The following BCKDHB variants were observed in gnomAD, a reference collection of about 807,000 sequenced individuals.
BCKDHB encodes the protein 2-oxoisovalerate dehydrogenase subunit beta, mitochondrial.
BCKDHB carries 41 observed loss-of-function variants against 48.5 expected under a neutral mutation model. That is an observed-to-expected ratio of 0.85 (90% CI 0.66 to 1.10). The LOEUF (loss-of-function observed/expected upper bound fraction) is 1.10. BCKDHB is among the 50% of genes least tolerant of loss of function. The probability of loss-of-function intolerance (pLI) is 0.00; values close to 1 mark genes in which losing one functional copy is unlikely to be tolerated. For missense variants in BCKDHB, 496 were observed against 494.2 expected (o/e 1.00, Z -0.03); for synonymous variants, 201 against 174.8 (o/e 1.15, Z -1.18).
At chr6:80,206,376 G>C (rs1387348958) in intron 8 of BCKDHB, among the ~76,000 whole-genome samples, 1 of 152,070 alleles carries the variant, frequency 6.6e-6, no homozygotes, top group Non-Finnish European at 1.5e-5. Flanking sequence ...GAAGAGACAG[G>C]AGTATTTGAT....
At chr6:80,220,098 C>G (rs888958480) in intron 8 of BCKDHB, among the ~76,000 whole-genome samples, 12 of 151,596 alleles carry the variant, frequency 7.9e-5, no homozygotes, top group East Asian at 1.9e-4. Flanking sequence ...TGTATATTTT[C>G]TTTTCAAAAA....
At chr6:80,326,856 A>G (rs898454674) in intron 9 of BCKDHB, among the ~76,000 whole-genome samples, 2 of 152,114 alleles carry the variant, frequency 1.3e-5, no homozygotes, top group Admixed American at 6.5e-5. Flanking sequence ...ACAGAGCGAG[A>G]CTCAGTCTCA....
At chr6:80,199,034 A>T (rs932608023) in intron 6 of BCKDHB, among the ~76,000 whole-genome samples, 3 of 152,158 alleles carry the variant, frequency 2.0e-5, no homozygotes, top group African/African-American at 7.2e-5. Flanking sequence ...TCCAGAATGA[A>T]TTCTAGACAG....
chr6:80,342,997 GC>G (rs1330685392), intron 9 of BCKDHB, among the ~76,000 whole-genome samples: 1 of 152,164 alleles, frequency 6.6e-6, no homozygotes, highest in Non-Finnish European at 1.5e-5. Flanking sequence ...CAGAGCACAA[GC>G]CCCTTCCTCA....
chr6:80,195,921 T>G (rs1184229912), intron 6 of BCKDHB, among the ~76,000 whole-genome samples: 1 of 152,146 alleles, frequency 6.6e-6, no homozygotes, highest in Non-Finnish European at 1.5e-5. Flanking sequence ...ATACTTGACT[T>G]CATTTTAAAT....
chr6:80,389,156 G>A, the BCKDHB span, among the ~76,000 whole-genome samples: 2 of 152,206 alleles, frequency 1.3e-5, no homozygotes, highest in Non-Finnish European at 2.9e-5. Flanking sequence ...TAATAATCAA[G>A]TAGATAGGAT....
the BCKDHB span, among the ~76,000 whole-genome samples, chr6:80,461,215 AT>A: frequency 6.6e-6 from 1 of 152,270 alleles, no homozygotes; most frequent in East Asian, 1.9e-4. Flanking sequence ...TGAACCCATT[AT>A]GTTCTGCCCT....
At chr6:80,384,473 C>G in the BCKDHB span, among the ~76,000 whole-genome samples, 1 of 152,052 alleles carries the variant, frequency 6.6e-6, no homozygotes, top group Non-Finnish European at 1.5e-5. Context: ...ATTCTCCTGA[C>G]TCAGCCTCAT....
chr6:80,286,442 A>T (rs1766631110), intron 9 of BCKDHB, among the ~76,000 whole-genome samples: 1 of 152,218 alleles, frequency 6.6e-6, no homozygotes, highest in African/African-American at 2.4e-5. Flanking sequence ...TGATGAAGAC[A>T]CATTTAGTTA....
chr6:80,431,088 A>T, the BCKDHB span, among the ~76,000 whole-genome samples: 1 of 152,178 alleles, frequency 6.6e-6, no homozygotes, highest in Admixed American at 6.5e-5. Flanking sequence ...CCCAGTAGTC[A>T]TTCAGGAGCA....
the BCKDHB span, among the ~76,000 whole-genome samples, chr6:80,394,073 T>A: frequency 6.6e-6 from 1 of 152,228 alleles, no homozygotes; most frequent in Non-Finnish European, 1.5e-5. Context: ...AATCCTCTAT[T>A]CATTTACTTT....
Position 80,120,052 on chromosome 6 carries a change from C to T in BCKDHB, c.197-7495C>T, listed in dbSNP as rs558123516. 7.6e-4 allele frequency among the ~76,000 whole-genome samples: 115 copies of T among 152,142 alleles called. 1 individual carries two copies. The Middle Eastern group carries it at 0.017, about 22-fold the overall frequency. ...ACAGGCCCTGGTGTGTGATGTTCCC[C>T]GCCCTGTGTCCAAGTGATCTCATTG... On this transcript the variant is annotated intron_variant, in intron 1 of 9. Coordinates refer to ENST00000320393, the MANE Select transcript of BCKDHB (RefSeq NM_183050.4).
chr6:80,321,068 T>C (rs1768689995), intron 9 of BCKDHB, among the ~76,000 whole-genome samples: 1 of 152,126 alleles, frequency 6.6e-6, no homozygotes, highest in African/African-American at 2.4e-5. Context: ...GCTTATATTA[T>C]GAAAGTGGTG....
chr6:80,377,206 A>AT, the BCKDHB span, among the ~76,000 whole-genome samples: 1 of 149,828 alleles, frequency 6.7e-6, no homozygotes, highest in African/African-American at 2.5e-5. Flanking sequence ...ACGCCTAGCT[A>AT]ATTTTTTGTA....
chr6:80,431,986 A>G, the BCKDHB span, among the ~76,000 whole-genome samples: 2 of 149,902 alleles, frequency 1.3e-5, no homozygotes, highest in Non-Finnish European at 3.0e-5. Context: ...TTCTGGGTTG[A>G]AAATTATATT....
chr6:80,303,963 T>C (rs1767718432), intron 9 of BCKDHB, among the ~76,000 whole-genome samples: 1 of 151,978 alleles, frequency 6.6e-6, no homozygotes, highest in Admixed American at 6.6e-5. Flanking sequence ...AAGTAAGACA[T>C]GGAATGAAAT....
At chr6:80,284,916 A>G (rs1168583888) in intron 9 of BCKDHB, among the ~76,000 whole-genome samples, 1 of 152,154 alleles carries the variant, frequency 6.6e-6, no homozygotes, top group African/African-American at 2.4e-5. Flanking sequence ...CTGTATTATT[A>G]GCTGCTTTCA....
chr6:80,408,127 G>A, the BCKDHB span, among the ~76,000 whole-genome samples: 4 of 151,912 alleles, frequency 2.6e-5, no homozygotes, highest in African/African-American at 9.7e-5. Context: ...GGTTTTTGTG[G>A]TTTGTTCTGT....
At chr6:80,291,856 T>C (rs1766933278) in intron 9 of BCKDHB, among the ~76,000 whole-genome samples, 1 of 152,210 alleles carries the variant, frequency 6.6e-6, no homozygotes, top group African/African-American at 2.4e-5. Context: ...TAAGACCAAG[T>C]TGTTTTATTA....
Sources: allele counts gnomAD v4.1 joint callset (sites outside exome capture counted in the v4.1 genomes callset), GRCh38; gene constraint gnomAD v4.1.1; transcripts MANE v1.5; gene names NCBI Gene and HGNC (gene_info 2026-07-23, HGNC 2026-07-21).